USO1: variants seen among roughly 807,000 people sequenced by gnomAD.
USO1 encodes USO1 vesicle transport factor, also known as general vesicular transport factor p115.
In USO1, 57 loss-of-function variants were observed where a neutral mutation model predicts 124.5. That is an observed-to-expected ratio of 0.46 (90% CI 0.37 to 0.57). USO1 has a LOEUF of 0.57. USO1 is among the 20% of genes least tolerant of loss of function. The pLI is 0.00. For missense variants in USO1, 900 were observed against 1,040.6 expected (o/e 0.86, Z 1.86); for synonymous variants, 369 against 362.8 (o/e 1.02, Z -0.19).
intron 1 of USO1, among the ~76,000 whole-genome samples, chr4:75,740,972 A>G (rs1190356054): frequency 1.3e-5 from 2 of 152,326 alleles, no homozygotes; most frequent in African/African-American, 4.8e-5. Context: ...CTTTATAAAA[A>G]TCTGTAACTG....
intron 4 of USO1, among the ~76,000 whole-genome samples, chr4:75,761,573 A>T (rs1306192491): frequency 6.6e-6 from 1 of 152,232 alleles, no homozygotes; most frequent in Non-Finnish European, 1.5e-5. Flanking sequence ...CTCAGTAATG[A>T]TGTTTTAGTT....
intron 1 of USO1, among the ~76,000 whole-genome samples, chr4:75,743,813 G>C (rs1007537327): frequency 5.9e-5 from 9 of 152,090 alleles, no homozygotes; most frequent in African/African-American, 2.2e-4. Flanking sequence ...GTCTCGCTCT[G>C]TCACCTAGGC....
chr4:75,770,591 C>A (rs1721900223), intron 5 of USO1, 52 bp downstream of exon 5: 1 of 1,518,958 alleles, frequency 6.6e-7, no homozygotes, highest in Non-Finnish European at 8.8e-7. Flanking sequence ...GCTTTTGTTG[C>A]CTTTTGGATG....
chr4:75,726,914 T>G (rs1720479751), intron 1 of USO1, among the ~76,000 whole-genome samples: 1 of 152,204 alleles, frequency 6.6e-6, no homozygotes, highest in Admixed American at 6.5e-5. Flanking sequence ...CACCCCTGAT[T>G]GGATTGGATA....
chr4:75,789,020 G>C (rs894992749), intron 10 of USO1, among the ~76,000 whole-genome samples: 6 of 151,942 alleles, frequency 3.9e-5, no homozygotes, highest in Non-Finnish European at 8.8e-5. Flanking sequence ...GTTGCTATTA[G>C]GAAGTTTGAA....
rs1334974107 is a variant in USO1 at position 75,813,233 on chromosome 4, G to A, written c.2827G>A (p.Gly943Arg). 6.2e-7 allele frequency: 1 copy of A among 1,610,186 alleles called. No homozygotes were observed. Among genetic ancestry groups the A allele is most frequent in the East Asian group, 2.2e-5 (1 of 44,716 alleles). Residue 943 changes from glycine to arginine, a missense_variant, in exon 24 of 24, where the codon GGA (glycine) becomes AGA (arginine). By Grantham distance (125) the Gly-to-Arg change is moderately radical (BLOSUM62 -2). Coordinates refer to ENST00000514213, the MANE Select transcript of USO1 (RefSeq NM_003715.4). Reference sequence around the variant, plus strand: ...TGAAGAAGAGGATGAACTTGAATCTGGAGACCAAGAGGATGAGGATGATGA... The same window carrying A: ...TGAAGAAGAGGATGAACTTGAATCTAGAGACCAAGAGGATGAGGATGATGA... ...PVEEEDELES[G>R]DQEDEDDESE...
intron 1 of USO1, among the ~76,000 whole-genome samples, chr4:75,750,552 T>C (rs1721272810): frequency 6.6e-6 from 1 of 152,154 alleles, no homozygotes; most frequent in African/African-American, 2.4e-5. Context: ...GGTGCGATCT[T>C]AGCTCGCTGC....
chr4:75,766,118 G>A (rs1337922264), intron 4 of USO1, among the ~76,000 whole-genome samples: 2 of 152,078 alleles, frequency 1.3e-5, no homozygotes, highest in African/African-American at 4.8e-5. Flanking sequence ...TTTATTTAGA[G>A]TCAGTTACTT....
Position 75,793,638 on chromosome 4 carries a change from G to T in USO1, c.1241-52G>T, listed in dbSNP as rs910228050. 70 of 1,545,162 alleles carry T rather than the reference G, an allele frequency of 4.5e-5. No individual in the cohort carries two copies. In the East Asian group the frequency reaches 1.7e-3, roughly 38 times the overall value. ...ACAGAAAACAATTTATTTAAAATTT[G>T]GTTTACGTCAAAATCTAATATATTT... On this transcript the variant is annotated intron_variant, in intron 12 of 23. Coordinates refer to ENST00000514213, the MANE Select transcript of USO1 (RefSeq NM_003715.4).
intron 9 of USO1, among the ~76,000 whole-genome samples, chr4:75,783,346 T>A (rs1184550711): frequency 6.6e-6 from 1 of 152,218 alleles, no homozygotes; most frequent in East Asian, 1.9e-4. Flanking sequence ...AGTCTGAGTT[T>A]TAAGTCCAAA....
In USO1 at chr4:75,801,129, G is replaced by A. The variant is rs769019746; in HGVS notation, c.1915G>A (p.Glu639Lys). The stretch of plus-strand genomic sequence containing the variant: ...GTCCAGTGAAGAAGATAAAAAAGAA[G>A]AAGAGGTGAAAAAAACATTAGAACA... ...YKSSEEDKKE[E>K]EVKKTLEQHD... The change falls in exon 17 of 24, where the codon GAA becomes AAA. Residue 639 changes from glutamate (E) to lysine (K), a missense_variant. Coordinates refer to ENST00000514213, the MANE Select transcript of USO1 (RefSeq NM_003715.4). 1 of 1,607,370 alleles carries A rather than the reference G, an allele frequency of 6.2e-7. No individual in the cohort carries two copies. Among genetic ancestry groups the A allele is most frequent in the Admixed American group, 1.7e-5 (1 of 59,054 alleles).
chr4:75,795,232 G>A, intron 13 of USO1: 1 of 672,106 alleles, frequency 1.5e-6, no homozygotes, highest in Non-Finnish European at 2.7e-6. Context: ...TTATTGGCTT[G>A]AGTTTGTAGA....
At chr4:75,763,264 G>A (rs922486535) in intron 4 of USO1, among the ~76,000 whole-genome samples, 1 of 152,146 alleles carries the variant, frequency 6.6e-6, no homozygotes, top group Non-Finnish European at 1.5e-5. Flanking sequence ...ACAGATGATG[G>A]TTCAACTTCA....
intron 3 of USO1, among the ~76,000 whole-genome samples, chr4:75,752,901 G>T (rs1307864704): frequency 1.3e-5 from 2 of 152,140 alleles, no homozygotes; most frequent in Non-Finnish European, 2.9e-5. Flanking sequence ...ATTGGACAGA[G>T]TGCGAGCCAC....
At chr4:75,728,010 G>A (rs985598297) in intron 1 of USO1, among the ~76,000 whole-genome samples, 1 of 152,104 alleles carries the variant, frequency 6.6e-6, no homozygotes, top group African/African-American at 2.4e-5. Context: ...TTCCACAGTA[G>A]TAGATGCCCA....
chr4:75,742,199 T>C (rs927280429), intron 1 of USO1, among the ~76,000 whole-genome samples: 4 of 152,328 alleles, frequency 2.6e-5, no homozygotes, highest in Middle Eastern at 3.4e-3. Flanking sequence ...CATTTGTTAC[T>C]GTTATCAAGT....
Position 75,808,987 on chromosome 4 carries a change from A to G in USO1, c.2411A>G (p.Gln804Arg). 2 of 1,605,378 alleles carry G rather than the reference A, an allele frequency of 1.2e-6. No individual in the cohort carries two copies. Among genetic ancestry groups the G allele is most frequent in the Non-Finnish European group, 8.5e-7 (1 of 1,176,010 alleles). Reference protein sequence around the residue: ...LATLKSQLNSQSVEITKLQTE... With the variant: ...LATLKSQLNSRSVEITKLQTE... ...ACTTTAAAGTCTCAGTTAAACTCAC[A>G]ATCTGTGGAGATCACCAAACTACAG... Residue 804 changes from glutamine to arginine, a missense_variant, in exon 21 of 24, where the codon CAA (glutamine) becomes CGA (arginine). Around this residue, in one of 2 missense-constraint regions of USO1, gnomAD observed 362 missense variants for 359.0 expected, o/e 1.01. Coordinates refer to ENST00000514213, the MANE Select transcript of USO1 (RefSeq NM_003715.4).
In USO1 at chr4:75,780,331, A is replaced by G. The variant is rs192283946; in HGVS notation, c.677-2349A>G. Among the ~76,000 whole-genome samples, 7 of 151,396 alleles carry G rather than the reference A, an allele frequency of 4.6e-5. No individual in the cohort carries two copies. In the East Asian group the frequency reaches 1.4e-3, roughly 29 times the overall value. On this transcript the variant is annotated intron_variant, in intron 8 of 23. Transcript: ENST00000514213. ...ACTTGGGCTGGTGTGTAGTGGTGTG[A>G]TCTCGGCTCACTGCCACCTCTGCCT... is the stretch of plus-strand genomic sequence containing the variant.
intron 1 of USO1, among the ~76,000 whole-genome samples, chr4:75,745,736 CTAAAAT>C (rs916983736): frequency 6.6e-5 from 10 of 151,916 alleles, no homozygotes; most frequent in African/African-American, 2.2e-4. Context: ...CCCGTTTCTA[CTAAAAT>C]TACAAAAATT....
Sources: allele counts gnomAD v4.1 joint callset (sites outside exome capture counted in the v4.1 genomes callset), GRCh38; gene constraint gnomAD v4.1.1; regional missense constraint gnomAD v4.1.1; transcripts MANE v1.5; gene names NCBI Gene and HGNC (gene_info 2026-07-23, HGNC 2026-07-21).